ADGRG6: variants seen among roughly 807,000 people sequenced by gnomAD.
ADGRG6 encodes G-protein coupled receptor 126.
A neutral mutation model predicts 142.4 loss-of-function variants in ADGRG6; 84 were observed. The ratio of observed to expected loss-of-function variants is 0.59; its 90% CI spans 0.49 to 0.71. The LOEUF (loss-of-function observed/expected upper bound fraction) is 0.71. ADGRG6 is among the 30% of genes least tolerant of loss of function. The pLI, the probability that ADGRG6 is intolerant of heterozygous loss-of-function variation, is 0.00. For missense variants in ADGRG6, 1,367 were observed against 1,466.6 expected (o/e 0.93, Z 1.11); for synonymous variants, 521 against 520.5 (o/e 1.00, Z -0.01).
intron 22 of ADGRG6, among the ~76,000 whole-genome samples, chr6:142,436,734 G>A (rs918189166): frequency 6.6e-6 from 1 of 152,130 alleles, no homozygotes; most frequent in Non-Finnish European, 1.5e-5. Flanking sequence ...TTTAAAATGC[G>A]GAAGCAAATG....
At chr6:142,404,272 A>C in intron 14 of ADGRG6, 1 of 323,298 alleles carries the variant, frequency 3.1e-6, no homozygotes, top group Non-Finnish European at 5.7e-6. Flanking sequence ...TAGAGGAAAG[A>C]GCTTTAAGGG....
At chr6:142,431,703 T>G (rs920732790) in intron 22 of ADGRG6, among the ~76,000 whole-genome samples, 4 of 152,080 alleles carry the variant, frequency 2.6e-5, no homozygotes, top group African/African-American at 9.7e-5. Flanking sequence ...GGTGAGCAGA[T>G]CACGAGCTCA....
At chr6:142,361,300 A>T (rs1349939646) in intron 2 of ADGRG6, among the ~76,000 whole-genome samples, 2 of 152,214 alleles carry the variant, frequency 1.3e-5, no homozygotes, top group African/African-American at 4.8e-5. Context: ...TAACTTGCTT[A>T]TTAATCATCC....
Position 142,400,504 on chromosome 6 carries a change from G to T in ADGRG6, c.1587G>T (p.Glu529Asp). ...ATATAGGTCATTGTCTTGCCATGGAGGAACCCAAAGGCTACTACTGGCCAT... is the reference window on the plus strand; with the variant it reads ...ATATAGGTCATTGTCTTGCCATGGATGAACCCAAAGGCTACTACTGGCCAT... ...VRQLGHCLAM[E>D]EPKGYYWPSI... Residue 529 changes from glutamate (E) to aspartate (D), a missense_variant, in exon 11 of 25, where the codon GAG (glutamate) becomes GAT (aspartate). Glu to Asp is a conservative substitution (Grantham distance 45). Coordinates refer to ENST00000367609, the MANE Select transcript of ADGRG6 (RefSeq NM_198569.3). 1 of 1,566,432 alleles carries T rather than the reference G, an allele frequency of 6.4e-7. No homozygotes were observed. Among genetic ancestry groups the T allele is most frequent in the South Asian group, 1.1e-5 (1 of 89,808 alleles).
chr6:142,403,042 A>G (rs1219574116), intron 13 of ADGRG6, among the ~76,000 whole-genome samples: 1 of 151,986 alleles, frequency 6.6e-6, no homozygotes, highest in Non-Finnish European at 1.5e-5. Context: ...TACAATATAC[A>G]TAGCCCTAGA....
chr6:142,317,748 ATATT>A (rs1261741275), intron 2 of ADGRG6, among the ~76,000 whole-genome samples: 26 of 108,444 alleles, frequency 2.4e-4, no homozygotes, highest in African/African-American at 9.0e-4. Flanking sequence ...TATATAATAT[ATATT>A]TATATTATAT....
chr6:142,375,588 A>AT (rs1240894745), intron 4 of ADGRG6, among the ~76,000 whole-genome samples: 2 of 151,882 alleles, frequency 1.3e-5, no homozygotes, highest in Non-Finnish European at 2.9e-5. Flanking sequence ...TTAACCTTTC[A>AT]TTTTTTTTCC....
At chr6:142,435,080 T>G (rs1210188041) in intron 22 of ADGRG6, among the ~76,000 whole-genome samples, 1 of 152,170 alleles carries the variant, frequency 6.6e-6, no homozygotes, top group Non-Finnish European at 1.5e-5. Context: ...GTTTTCTTGA[T>G]GAATACTCCA....
At chr6:142,412,427 G>T (rs760067451) in intron 18 of ADGRG6, among the ~76,000 whole-genome samples, 5 of 152,094 alleles carry the variant, frequency 3.3e-5, no homozygotes, top group Non-Finnish European at 5.9e-5. Flanking sequence ...GGACTGGGAG[G>T]AAGCCTTGAG....
chr6:142,421,856 A>AT (rs1240748409), intron 22 of ADGRG6, among the ~76,000 whole-genome samples: 1 of 152,222 alleles, frequency 6.6e-6, no homozygotes, highest in African/African-American at 2.4e-5. Context: ...CAGCACATTT[A>AT]ATTATATTAA....
intron 2 of ADGRG6, among the ~76,000 whole-genome samples, chr6:142,359,848 G>A (rs1387720917): frequency 6.6e-6 from 1 of 152,128 alleles, no homozygotes; most frequent in Non-Finnish European, 1.5e-5. Context: ...GTCAGTCAAG[G>A]GACTTGTCTT....
intron 24 of ADGRG6, among the ~76,000 whole-genome samples, chr6:142,439,638 A>G (rs1012155670): frequency 6.6e-6 from 1 of 152,210 alleles, no homozygotes; most frequent in Admixed American, 6.5e-5. Context: ...TTAAAAATCC[A>G]AGAACTTGGA....
chr6:142,318,411 A>C (rs929969258), intron 2 of ADGRG6, among the ~76,000 whole-genome samples: 1 of 119,540 alleles, frequency 8.4e-6, no homozygotes, highest in African/African-American at 3.2e-5. Flanking sequence ...TTAAATATAT[A>C]TATAATATAT....
chr6:142,357,094 C>T (rs1404578365), intron 2 of ADGRG6, among the ~76,000 whole-genome samples: 1 of 152,090 alleles, frequency 6.6e-6, no homozygotes, highest in African/African-American at 2.4e-5. Context: ...TTGTCCTTCC[C>T]ACAGTGATTT....
chr6:142,307,227 CAA>C (rs780760228), intron 1 of ADGRG6, among the ~76,000 whole-genome samples: 6 of 152,084 alleles, frequency 3.9e-5, no homozygotes, highest in Non-Finnish European at 8.8e-5. Flanking sequence ...TGTCGTATGT[CAA>C]AGAGTGTAAG....
At chr6:142,352,764 T>C (rs1340094581) in intron 2 of ADGRG6, among the ~76,000 whole-genome samples, 3 of 152,176 alleles carry the variant, frequency 2.0e-5, no homozygotes, top group Non-Finnish European at 4.4e-5. Context: ...CCCAAAAGCA[T>C]ATACATTATG....
chr6:142,325,974 A>G (rs1778757147), intron 2 of ADGRG6, among the ~76,000 whole-genome samples: 1 of 152,042 alleles, frequency 6.6e-6, no homozygotes, highest in Non-Finnish European at 1.5e-5. Context: ...ACCCACCTAA[A>G]ATCTCAGTAA....
intron 10 of ADGRG6, among the ~76,000 whole-genome samples, chr6:142,399,119 TA>T (rs1775368468): frequency 6.6e-6 from 1 of 152,164 alleles, no homozygotes; most frequent in South Asian, 2.1e-4. Context: ...TTAGGTACAT[TA>T]GTAGAGATCA....
intron 10 of ADGRG6, among the ~76,000 whole-genome samples, chr6:142,398,463 C>A (rs1199702334): frequency 6.6e-6 from 1 of 152,052 alleles, no homozygotes; most frequent in Non-Finnish European, 1.5e-5. Context: ...TCTCATGTTC[C>A]CTGTCTCTAT....
Sources: allele counts gnomAD v4.1 joint callset (sites outside exome capture counted in the v4.1 genomes callset), GRCh38; gene constraint gnomAD v4.1.1; transcripts MANE v1.5; gene names NCBI Gene and HGNC (gene_info 2026-07-23, HGNC 2026-07-21).